Variants in ZDHHC1 observed in about 807,000 individuals in gnomAD.
The protein encoded by ZDHHC1 is palmitoyltransferase ZDHHC1.
ZDHHC1 carries 45 observed loss-of-function variants against 46.9 expected under a neutral mutation model. That is an observed-to-expected ratio of 0.96 (90% confidence interval 0.76 to 1.23). The LOEUF (loss-of-function observed/expected upper bound fraction) is 1.23. Ranked by LOEUF, ZDHHC1 falls within the 50% of genes most tolerant of loss-of-function variation. ZDHHC1 has a pLI of 0.00. For synonymous variants in ZDHHC1, 291 were observed against 286.0 expected (o/e 1.02, Z -0.18); for missense variants, 649 against 670.8 (o/e 0.97, Z 0.36).
intron 8 of ZDHHC1, among the ~76,000 whole-genome samples, chr16:67,397,213 G>C (rs1225475041): frequency 6.6e-6 from 1 of 152,268 alleles, no homozygotes; most frequent in Non-Finnish European, 1.5e-5. Flanking sequence ...CAGGGCCAAA[G>C]AGCCCGCCCT....
At chr16:67,413,607 G>C (rs962593671) in intron 1 of ZDHHC1, among the ~76,000 whole-genome samples, 1 of 152,142 alleles carries the variant, frequency 6.6e-6, no homozygotes, top group Admixed American at 6.5e-5. Context: ...TCTCAGATGT[G>C]GCTGGGCCCT....
chr16:67,416,259 G>A lies in ZDHHC1; in HGVS notation c.-127C>T. On this transcript the variant is annotated 5_prime_UTR_variant, in exon 1 of 12. Coordinates refer to ENST00000565726, the MANE Select transcript of ZDHHC1 (RefSeq NM_001323627.2). ...CGCCTGGCCTTCCACCCTCCCCGGG[G>A]CAGCCGCGCCTCAGACCCTCGCGGT... is the stretch of plus-strand genomic sequence containing the variant. 1 of 154,506 alleles carries A rather than the reference G, an allele frequency of 6.5e-6. No homozygotes were observed. Among genetic ancestry groups the A allele is most frequent in the Non-Finnish European group, 1.5e-5 (1 of 68,818 alleles). 9.6% of individuals were successfully genotyped at this position (154,506 alleles called of 1,614,324 possible).
At chr16:67,410,549 G>A (rs2040733728) in intron 1 of ZDHHC1, among the ~76,000 whole-genome samples, 1 of 152,162 alleles carries the variant, frequency 6.6e-6, no homozygotes, top group Admixed American at 6.5e-5. Context: ...CAAGGTGAAA[G>A]CCATTGGCAG....
At chr16:67,413,648 G>A (rs1478828104) in intron 1 of ZDHHC1, among the ~76,000 whole-genome samples, 1 of 152,176 alleles carries the variant, frequency 6.6e-6, no homozygotes, top group Non-Finnish European at 1.5e-5. Context: ...ACAGGTGGAA[G>A]TCTGATGCTG....
chr16:67,399,305 AC>A (rs2040498774), intron 5 of ZDHHC1, 49 bp downstream of exon 5: 1 of 1,515,196 alleles, frequency 6.6e-7, no homozygotes, highest in East Asian at 2.3e-5. Flanking sequence ...TGTGGCTCCC[AC>A]CCTCAGACAG....
chr16:67,399,684 G>C (rs984083329), intron 4 of ZDHHC1, among the ~76,000 whole-genome samples: 1 of 152,140 alleles, frequency 6.6e-6, no homozygotes, highest in Admixed American at 6.5e-5. Flanking sequence ...CCGCAGGAGG[G>C]GTAAGGAGGT....
At chr16:67,399,302 C>T in intron 5 of ZDHHC1, 53 bp downstream of exon 5, 1 of 1,492,814 alleles carries the variant, frequency 6.7e-7, no homozygotes, top group Non-Finnish European at 9.2e-7. Context: ...GTCTGTGGCT[C>T]CCACCCTCAG....
intron 8 of ZDHHC1, among the ~76,000 whole-genome samples, 180 bp downstream of exon 8, chr16:67,398,032 C>T (rs1043751090): frequency 6.6e-6 from 1 of 152,208 alleles, no homozygotes; most frequent in Non-Finnish European, 1.5e-5. Context: ...AAACACAGGG[C>T]TCCCTCTGGC....
chr16:67,394,849 C>T lies in ZDHHC1; in HGVS notation c.1210G>A (p.Ala404Thr). 2 of 1,557,880 alleles carry T rather than the reference C, an allele frequency of 1.3e-6. No homozygotes were observed. Among genetic ancestry groups the T allele is most frequent in the Non-Finnish European group, 1.7e-6 (2 of 1,154,832 alleles). The part of the protein sequence containing the change: ...SRRSSSSTDS[A>T]DASPVHAAGP... ...GCGGCGTGCACAGGGCTGGCGTCCG[C>T]GGAATCCGTCGACGAGCTGGAGCGG... Residue 404 changes from alanine to threonine, a missense_variant, in exon 12 of 12, where the codon GCG becomes ACG. Physicochemically the swap from Ala to Thr is moderately conservative, Grantham distance 58. Coordinates refer to ENST00000565726, the MANE Select transcript of ZDHHC1 (RefSeq NM_001323627.2).
chr16:67,409,593 T>C (rs1475717999), intron 1 of ZDHHC1, among the ~76,000 whole-genome samples: 1 of 152,206 alleles, frequency 6.6e-6, no homozygotes, highest in Non-Finnish European at 1.5e-5. Context: ...AAGATTTTGA[T>C]TAAAAGGGCT....
intron 1 of ZDHHC1, among the ~76,000 whole-genome samples, chr16:67,409,840 A>C (rs1475291870): frequency 1.3e-5 from 2 of 152,176 alleles, no homozygotes; most frequent in Admixed American, 1.3e-4. Context: ...AACACAGATG[A>C]GACCGGGTGC....
chr16:67,396,549 C>T (rs909326572), intron 8 of ZDHHC1, among the ~76,000 whole-genome samples: 12 of 152,114 alleles, frequency 7.9e-5, no homozygotes, highest in African/African-American at 2.4e-4. Context: ...AGGGGCCCCT[C>T]CCGCATTCCT....
At chr16:67,403,296 T>A (rs1217321028) in intron 3 of ZDHHC1, among the ~76,000 whole-genome samples, 1 of 152,230 alleles carries the variant, frequency 6.6e-6, no homozygotes, top group African/African-American at 2.4e-5. Flanking sequence ...TCTCAATGTT[T>A]AAATGTTAAG....
chr16:67,400,367 G>A (rs1033586142), intron 4 of ZDHHC1, among the ~76,000 whole-genome samples: 4 of 152,180 alleles, frequency 2.6e-5, no homozygotes, highest in African/African-American at 9.6e-5. Flanking sequence ...CCAAGGTGGC[G>A]GGGCGCAGCA....
chr16:67,409,990 TG>T (rs1284817519), intron 1 of ZDHHC1, among the ~76,000 whole-genome samples: 2 of 10,354 alleles, frequency 1.9e-4, no homozygotes, highest in African/African-American at 8.2e-4. Flanking sequence ...GTGGCGGGGG[TG>T]GGGGGTGGGG....
At chr16:67,405,349 C>A (rs886145096) in intron 3 of ZDHHC1, among the ~76,000 whole-genome samples, 1 of 152,258 alleles carries the variant, frequency 6.6e-6, no homozygotes. Context: ...CGGTCCCGTG[C>A]AGCTCTGAAG....
At chr16:67,397,912 C>T (rs1461771597) in intron 8 of ZDHHC1, among the ~76,000 whole-genome samples, 1 of 152,222 alleles carries the variant, frequency 6.6e-6, no homozygotes, top group East Asian at 1.9e-4. Flanking sequence ...GTCGCTGGTC[C>T]ATCCCTCTCT....
chr16:67,394,481 C>A lies in ZDHHC1; in HGVS notation c.*129G>T. On this transcript the variant is annotated 3_prime_UTR_variant, in exon 12 of 12. Transcript: ENST00000565726. The stretch of plus-strand genomic sequence containing the variant: ...GCCGGTGGGGCGGGTATTGCTGAGT[C>A]GTGGGGGAGGGAGGCCGATCCCGCC... 1 of 776,000 alleles carries A rather than the reference C, an allele frequency of 1.3e-6. No homozygotes were observed. Among genetic ancestry groups the A allele is most frequent in the Non-Finnish European group, 1.6e-6 (1 of 606,796 alleles). The allele number at this position is 776,000 out of a possible 1,614,324, so 48.1% of individuals were successfully genotyped here. A position where few individuals can be genotyped will look rare whatever the true frequency, so the allele number is the denominator to read the frequency against.
intron 1 of ZDHHC1, among the ~76,000 whole-genome samples, chr16:67,409,841 G>A (rs1346031403): frequency 6.6e-6 from 1 of 152,212 alleles, no homozygotes; most frequent in Non-Finnish European, 1.5e-5. Context: ...ACACAGATGA[G>A]ACCGGGTGCC....
Sources: allele counts gnomAD v4.1 joint callset (sites outside exome capture counted in the v4.1 genomes callset), GRCh38; gene constraint gnomAD v4.1.1; transcripts MANE v1.5; gene names NCBI Gene and HGNC (gene_info 2026-07-23, HGNC 2026-07-21).